The following DRC11 variants were observed in gnomAD, a reference collection of about 807,000 sequenced individuals.
DRC11 encodes IQ and AAA domain-containing protein 1.
At chr2:236,415,468 G>A in the DRC11 span, among the ~76,000 whole-genome samples, 19 of 152,302 alleles carry the variant, frequency 1.2e-4, 1 homozygote, top group East Asian at 3.7e-3. This position sits in a 1 kb window ranked among gnomAD's most constrained non-coding sequence, Gnocchi z 5.7. Context: ...ATGGTTTGAG[G>A]TACTCTAGGG....
chr2:236,320,827 C>A, the DRC11 span, among the ~76,000 whole-genome samples: 3 of 151,614 alleles, frequency 2.0e-5, no homozygotes, highest in Admixed American at 6.6e-5. Context: ...CCGGTCCCTC[C>A]GCCGGTACCC....
the DRC11 span, among the ~76,000 whole-genome samples, chr2:236,433,348 AG>A: frequency 6.6e-6 from 1 of 152,216 alleles, no homozygotes; most frequent in Non-Finnish European, 1.5e-5. Context: ...GATGATGTTT[AG>A]GAGTCAAGGT....
chr2:236,499,330 G>T, the DRC11 span, among the ~76,000 whole-genome samples: 3 of 152,342 alleles, frequency 2.0e-5, no homozygotes, highest in South Asian at 2.1e-4. This position sits in a 1 kb window ranked among gnomAD's most constrained non-coding sequence, Gnocchi z 4.7. Flanking sequence ...CAGGGAAACA[G>T]CTGGCTTTTG....
chr2:236,437,019 C>A, the DRC11 span, among the ~76,000 whole-genome samples: 1 of 151,216 alleles, frequency 6.6e-6, no homozygotes, highest in Non-Finnish European at 1.5e-5. Context: ...TATACATGTG[C>A]CATGCTGGTG....
the DRC11 span, among the ~76,000 whole-genome samples, chr2:236,450,460 C>A: frequency 6.6e-6 from 1 of 151,560 alleles, no homozygotes; most frequent in Non-Finnish European, 1.5e-5. Context: ...CCTGGGACTA[C>A]AGGTGTGCAC....
the DRC11 span, among the ~76,000 whole-genome samples, chr2:236,406,266 TC>T: frequency 6.6e-6 from 1 of 152,178 alleles, no homozygotes; most frequent in African/African-American, 2.4e-5. The surrounding 1 kb of genome is among the most constrained non-coding windows in gnomAD (Gnocchi z 4.7). Context: ...CTTCTTGCCC[TC>T]CCCAAATGTT....
chr2:236,309,127 C>T, the DRC11 span, among the ~76,000 whole-genome samples: 2 of 152,282 alleles, frequency 1.3e-5, no homozygotes, highest in Admixed American at 6.5e-5. The surrounding 1 kb of genome is among the most constrained non-coding windows in gnomAD (Gnocchi z 5.7). Context: ...CTGCGCTGTG[C>T]GTTTCCTATA....
chr2:236,481,941 GTATAATTCTACATATTATATGTAT>G, the DRC11 span, among the ~76,000 whole-genome samples: 104 of 147,610 alleles, frequency 7.0e-4, no homozygotes, highest in South Asian at 8.5e-4. Context: ...ATAATTCTAT[GTATAATTCTACATATTATATGTAT>G]AATTCTATGT....
the DRC11 span, among the ~76,000 whole-genome samples, chr2:236,455,290 T>A: frequency 6.6e-6 from 1 of 152,202 alleles, no homozygotes; most frequent in African/African-American, 2.4e-5. The surrounding 1 kb of genome is among the most constrained non-coding windows in gnomAD (Gnocchi z 5.7). Context: ...CCTCGCCTAT[T>A]ATGAGCCATG....
chr2:236,365,970 G>A, the DRC11 span, among the ~76,000 whole-genome samples: 1 of 152,164 alleles, frequency 6.6e-6, no homozygotes, highest in Non-Finnish European at 1.5e-5. This position sits in a 1 kb window ranked among gnomAD's most constrained non-coding sequence, Gnocchi z 7.4. Context: ...CCTCAACCCA[G>A]TTTAGCCCCT....
At chr2:236,483,850 C>T in the DRC11 span, among the ~76,000 whole-genome samples, 35,749 of 152,052 alleles carry the variant, frequency 0.24, 4,365 homozygotes, top group Middle Eastern at 0.29. The surrounding 1 kb of genome is among the most constrained non-coding windows in gnomAD (Gnocchi z 4.8). Flanking sequence ...ACTGGCAAAA[C>T]CTTTTAATTT....
At chr2:236,470,271 C>A in the DRC11 span, among the ~76,000 whole-genome samples, 1 of 152,174 alleles carries the variant, frequency 6.6e-6, no homozygotes, top group Non-Finnish European at 1.5e-5. This position sits in a 1 kb window ranked among gnomAD's most constrained non-coding sequence, Gnocchi z 5.1. Flanking sequence ...TGTTAACTTT[C>A]TGGGGCAGCT....
At chr2:236,411,342 T>G in the DRC11 span, among the ~76,000 whole-genome samples, 1 of 150,750 alleles carries the variant, frequency 6.6e-6, no homozygotes, top group East Asian at 2.0e-4. Context: ...AAAACCACAA[T>G]GAGATACCAT....
At chr2:236,417,216 G>T in the DRC11 span, among the ~76,000 whole-genome samples, 1 of 152,124 alleles carries the variant, frequency 6.6e-6, no homozygotes, top group African/African-American at 2.4e-5. Context: ...CCAGATTTGG[G>T]TGCTGTGATT....
At chr2:236,480,938 C>T in the DRC11 span, among the ~76,000 whole-genome samples, 1 of 152,202 alleles carries the variant, frequency 6.6e-6, no homozygotes, top group Non-Finnish European at 1.5e-5. Flanking sequence ...GCCTCCTTTT[C>T]AGTACTTTAT....
At chr2:236,359,820 C>A in the DRC11 span, among the ~76,000 whole-genome samples, 1 of 152,112 alleles carries the variant, frequency 6.6e-6, no homozygotes, top group African/African-American at 2.4e-5. The surrounding 1 kb of genome is among the most constrained non-coding windows in gnomAD (Gnocchi z 4.3). Context: ...TGATTGACTC[C>A]CACTCCTGAG....
chr2:236,492,582 C>T, the DRC11 span, among the ~76,000 whole-genome samples: 4 of 152,224 alleles, frequency 2.6e-5, no homozygotes, highest in African/African-American at 9.6e-5. Context: ...ACTCATAGTG[C>T]CCCTTTCACC....
chr2:236,349,941 G>A, the DRC11 span, among the ~76,000 whole-genome samples: 1 of 152,224 alleles, frequency 6.6e-6, no homozygotes, highest in South Asian at 2.1e-4. This position sits in a 1 kb window ranked among gnomAD's most constrained non-coding sequence, Gnocchi z 5.5. Flanking sequence ...CGTGGCTGCT[G>A]TGGATCACTT....
the DRC11 span, among the ~76,000 whole-genome samples, chr2:236,463,953 G>A: frequency 1.3e-5 from 2 of 152,208 alleles, no homozygotes; most frequent in Admixed American, 1.3e-4. The surrounding 1 kb of genome is among the most constrained non-coding windows in gnomAD (Gnocchi z 5.0). Context: ...TAGTTCTCAG[G>A]CTGCTGGAGG....
Sources: allele counts gnomAD v4.1 joint callset (sites outside exome capture counted in the v4.1 genomes callset), GRCh38; gene constraint gnomAD v4.1.1; non-coding constraint Gnocchi (gnomAD v3.1); transcripts MANE v1.5; gene names NCBI Gene and HGNC (gene_info 2026-07-23, HGNC 2026-07-21).